The following SEM1 variants were observed in gnomAD, a reference collection of about 807,000 sequenced individuals.
SEM1 encodes SEM1 26S proteasome subunit.
In SEM1, 3 loss-of-function variants were observed where a neutral mutation model predicts 12.7. That is an observed-to-expected ratio of 0.24 (90% CI 0.11 to 0.61). The LOEUF (loss-of-function observed/expected upper bound fraction) is 0.61, where lower values mean the gene tolerates loss of function less well. Ranked by LOEUF, SEM1 falls within the 20% of genes least tolerant of loss-of-function variation. The probability of loss-of-function intolerance (pLI) is 0.88; values close to 1 mark genes in which losing one functional copy is unlikely to be tolerated. For synonymous variants in SEM1, 30 were observed against 27.8 expected (o/e 1.08, Z -0.25); for missense variants, 59 against 81.3 (o/e 0.73, Z 1.06).
intron 2 of SEM1, among the ~76,000 whole-genome samples, chr7:96,570,490 C>T (rs919534577): frequency 6.6e-6 from 1 of 152,094 alleles, no homozygotes; most frequent in African/African-American, 2.4e-5. Flanking sequence ...ATGATGGCTT[C>T]CAGCTTCATT....
At chr7:96,659,926 A>AAAAAAAAC (rs1788939036) in intron 2 of SEM1, among the ~76,000 whole-genome samples, 2 of 147,514 alleles carry the variant, frequency 1.4e-5, no homozygotes, top group African/African-American at 5.2e-5. Context: ...AAAAAAAAAA[A>AAAAAAAAC]AAAACAAAAA....
intron 2 of SEM1, among the ~76,000 whole-genome samples, chr7:96,598,995 C>T (rs1807097622): frequency 6.6e-6 from 1 of 151,428 alleles, no homozygotes; most frequent in Admixed American, 6.6e-5. Context: ...AAGAGGGAAG[C>T]TGTGCCAACA....
At chr7:96,568,779 G>C (rs1381436808) in intron 2 of SEM1, among the ~76,000 whole-genome samples, 1 of 151,552 alleles carries the variant, frequency 6.6e-6, no homozygotes, top group Non-Finnish European at 1.5e-5. Flanking sequence ...TTTTACTGTG[G>C]ATAAAATAAA....
At chr7:96,649,954 A>C (rs778448559) in intron 2 of SEM1, 8 of 152,232 alleles carry the variant, frequency 5.3e-5, no homozygotes, top group Non-Finnish European at 1.0e-4. Flanking sequence ...CCCACTCTCC[A>C]TCTGATCCAT....
chr7:96,518,972 C>T (rs1292372675), intron 2 of SEM1, among the ~76,000 whole-genome samples: 1 of 152,160 alleles, frequency 6.6e-6, no homozygotes. Flanking sequence ...CCAGTGATAT[C>T]TACTGACCTA....
At chr7:96,527,331 G>A (rs909177083) in intron 2 of SEM1, among the ~76,000 whole-genome samples, 2 of 152,102 alleles carry the variant, frequency 1.3e-5, no homozygotes, top group African/African-American at 4.8e-5. Context: ...CTGCGGCAAA[G>A]GCCCCTGGGT....
intron 1 of SEM1, among the ~76,000 whole-genome samples, chr7:96,707,224 C>T (rs1790494481): frequency 6.6e-6 from 1 of 152,186 alleles, no homozygotes; most frequent in Non-Finnish European, 1.5e-5. Context: ...TGAATAGTAA[C>T]AGACTCTAAA....
At chr7:96,637,432 T>C (rs1808462838) in intron 2 of SEM1, 1 of 152,080 alleles carries the variant, frequency 6.6e-6, no homozygotes, top group Non-Finnish European at 1.5e-5. Context: ...TGAGTGCTTT[T>C]AATATGTGTA....
chr7:96,550,057 A>G (rs1179545078), intron 2 of SEM1, among the ~76,000 whole-genome samples: 6 of 152,172 alleles, frequency 3.9e-5, no homozygotes, highest in Admixed American at 6.5e-5. Flanking sequence ...TTAGGTTTTT[A>G]TTAATATAAA....
intron 2 of SEM1, among the ~76,000 whole-genome samples, chr7:96,560,442 A>T (rs2115910670): frequency 6.6e-6 from 1 of 152,296 alleles, no homozygotes; most frequent in South Asian, 2.1e-4. Context: ...TTTCTTTAGT[A>T]AAGTACAATT....
intron 2 of SEM1, among the ~76,000 whole-genome samples, chr7:96,542,711 A>G (rs911977773): frequency 6.6e-6 from 1 of 151,942 alleles, no homozygotes; most frequent in Non-Finnish European, 1.5e-5. Flanking sequence ...GTAATATTTA[A>G]TGATAACGAG....
chr7:96,692,962 C>T (rs745942016), intron 2 of SEM1, among the ~76,000 whole-genome samples: 12 of 151,542 alleles, frequency 7.9e-5, no homozygotes, highest in Admixed American at 2.0e-4. Context: ...ATTTGAGACA[C>T]GGAAATGAAA....
chr7:96,665,808 C>A (rs765802844), intron 2 of SEM1, among the ~76,000 whole-genome samples: 3 of 152,132 alleles, frequency 2.0e-5, no homozygotes, highest in Non-Finnish European at 2.9e-5. Flanking sequence ...TTCCAATGAA[C>A]AACTAAGGTT....
In SEM1 at chr7:96,688,844, T is replaced by A. The variant is rs569946179; in HGVS notation, c.*80A>T. ...AGATAATGAAATAAACACATTTTTT[T>A]AGTGTCCCATCCTGGGTTCTCTGCC... On this transcript the variant is annotated 3_prime_UTR_variant, in exon 3 of 3. Coordinates refer to ENST00000248566, the MANE Select transcript of SEM1 (RefSeq NM_006304.2). The A allele has an allele frequency of 2.6e-6, 2 of 769,826 alleles. No homozygotes were observed. Among genetic ancestry groups the A allele is most frequent in the African/African-American group, 1.8e-5 (1 of 55,532 alleles). 47.7% of individuals were successfully genotyped at this position (769,826 alleles called of 1,614,324 possible).
chr7:96,675,647 TCTCA>T (rs1366688165), intron 2 of SEM1, among the ~76,000 whole-genome samples: 4 of 152,156 alleles, frequency 2.6e-5, no homozygotes, highest in Non-Finnish European at 2.9e-5. Flanking sequence ...AAGTGCCAGC[TCTCA>T]CTGTCATTTC....
At chr7:96,637,417 G>T (rs1198199690) in intron 2 of SEM1, 1 of 151,958 alleles carries the variant, frequency 6.6e-6, no homozygotes, top group Non-Finnish European at 1.5e-5. Flanking sequence ...TACAAGCAAG[G>T]TGTCTGAGTG....
chr7:96,565,821 G>T lies in SEM1; in HGVS notation c.171-59123C>A, dbSNP rs541993514. ...GTAAAATACAAAAATAGAAAACAGTGCAGAGAATAAAAATATCAACCTCTC... is the reference window on the plus strand; with the variant it reads ...GTAAAATACAAAAATAGAAAACAGTTCAGAGAATAAAAATATCAACCTCTC... On this transcript the variant is annotated intron_variant and NMD_transcript_variant, in intron 2 of 3. Coordinates refer to the SEM1 transcript ENST00000466986. Among the ~76,000 whole-genome samples, 11 of 151,974 alleles carry T rather than the reference G, an allele frequency of 7.2e-5. No homozygotes were observed. In the South Asian group the frequency reaches 2.1e-3, roughly 29 times the overall value.
chr7:96,698,991 T>G (rs1456696624), intron 1 of SEM1, among the ~76,000 whole-genome samples: 2 of 152,174 alleles, frequency 1.3e-5, no homozygotes, highest in African/African-American at 4.8e-5. Context: ...GGCTTTAATT[T>G]TAATTCCATA....
chr7:96,616,287 A>G (rs905221833), intron 2 of SEM1, among the ~76,000 whole-genome samples: 5 of 152,072 alleles, frequency 3.3e-5, no homozygotes, highest in African/African-American at 1.2e-4. Flanking sequence ...CATCTCTTTG[A>G]TGATTAGTGA....
Sources: allele counts gnomAD v4.1 joint callset (sites outside exome capture counted in the v4.1 genomes callset), GRCh38; gene constraint gnomAD v4.1.1; transcripts MANE v1.5; gene names NCBI Gene and HGNC (gene_info 2026-07-23, HGNC 2026-07-21).